CYP2C19: variants seen among roughly 807,000 people sequenced by gnomAD.
CYP2C19 encodes cytochrome P450 2C19.
In CYP2C19, 59 loss-of-function variants were observed where a neutral mutation model predicts 40.9. The observed-to-expected ratio is 1.44, with a 90% CI of 1.17 to 1.79. The LOEUF is 1.79. Ranked by LOEUF, CYP2C19 falls within the 40% of genes most tolerant of loss-of-function variation. The pLI is 0.00. For synonymous variants in CYP2C19, 253 were observed against 208.7 expected, an observed-to-expected ratio of 1.21 and a Z score of -1.83; for missense variants, 754 against 596.9, an observed-to-expected ratio of 1.26 and a Z score of -2.74.
intron 1 of CYP2C19, among the ~76,000 whole-genome samples, chr10:94,771,555 G>GA (rs1475550813): frequency 2.0e-5 from 3 of 151,994 alleles, no homozygotes; most frequent in East Asian, 1.9e-4. Flanking sequence ...CCATAGTGCA[G>GA]AAAAAAATGA....
chr10:94,775,004 G>A, intron 1 of CYP2C19, 54 bp from the exon 2 acceptor site: 1 of 1,582,986 alleles, frequency 6.3e-7, no homozygotes, highest in Non-Finnish European at 8.6e-7. Context: ...GTCAGGCTTA[G>A]TAAATGGACA....
At chr10:94,799,559 G>T (rs1199894868) in intron 5 of CYP2C19, among the ~76,000 whole-genome samples, 4 of 152,130 alleles carry the variant, frequency 2.6e-5, no homozygotes, top group Non-Finnish European at 5.9e-5. Context: ...GCCTTGCTAG[G>T]TTGGGGAAGT....
intron 1 of CYP2C19, among the ~76,000 whole-genome samples, chr10:94,763,611 T>C (rs1468809353): frequency 1.3e-5 from 2 of 152,078 alleles, no homozygotes; most frequent in East Asian, 1.9e-4. Context: ...TTAAGCCTTA[T>C]AAGCATGATG....
At chr10:94,822,312 A>C (rs1849136943) in intron 6 of CYP2C19, among the ~76,000 whole-genome samples, 1 of 152,184 alleles carries the variant, frequency 6.6e-6, no homozygotes, top group Non-Finnish European at 1.5e-5. Flanking sequence ...TCACAAGAAC[A>C]GCATGGGAAC....
chr10:94,766,702 T>C (rs1001794509), intron 1 of CYP2C19, among the ~76,000 whole-genome samples: 9 of 152,026 alleles, frequency 5.9e-5, no homozygotes, highest in Admixed American at 4.6e-4. Flanking sequence ...AAATAAGAGA[T>C]GCAAGTCCTC....
chr10:94,833,244 C>A (rs1042029006), intron 6 of CYP2C19, among the ~76,000 whole-genome samples: 4 of 152,010 alleles, frequency 2.6e-5, no homozygotes, highest in Non-Finnish European at 5.9e-5. Flanking sequence ...TGTGGATAGC[C>A]TTTATATCTT....
At chr10:94,848,114 G>T (rs1431123196) in intron 7 of CYP2C19, among the ~76,000 whole-genome samples, 5 of 152,120 alleles carry the variant, frequency 3.3e-5, no homozygotes, top group Admixed American at 2.6e-4. Flanking sequence ...GGCTTTTGTT[G>T]CCATTGCTTT....
Position 94,840,163 on chromosome 10 carries a change from A to T in CYP2C19, c.962-2674A>T, listed in dbSNP as rs538336053. Among the ~76,000 whole-genome samples, 12 of 152,234 alleles carry T rather than the reference A, an allele frequency of 7.9e-5. No individual in the cohort carries two copies. In the South Asian group the frequency reaches 2.5e-3, roughly 32 times the overall value. The stretch of plus-strand genomic sequence containing the variant: ...TTAATACGCCTTTATTTACACTGAC[A>T]ACAAAGTGGCAATTACCAATTACAG... On this transcript the variant is annotated intron_variant, in intron 6 of 8. Coordinates refer to ENST00000371321, the MANE Select transcript of CYP2C19 (RefSeq NM_000769.4).
intron 6 of CYP2C19, among the ~76,000 whole-genome samples, chr10:94,838,203 C>T (rs1052698065): frequency 1.3e-5 from 2 of 152,140 alleles, no homozygotes; most frequent in African/African-American, 4.8e-5. Context: ...CACCAATCTC[C>T]ATGTTCTGAT....
At chr10:94,796,181 T>C (rs1271436126) in intron 5 of CYP2C19, among the ~76,000 whole-genome samples, 3 of 152,242 alleles carry the variant, frequency 2.0e-5, no homozygotes, top group Middle Eastern at 3.4e-3. Flanking sequence ...TTGTATAAGG[T>C]GTAAGGAAGG....
intron 5 of CYP2C19, among the ~76,000 whole-genome samples, chr10:94,812,096 C>T (rs1340724715): frequency 1.3e-5 from 2 of 152,158 alleles, no homozygotes; most frequent in Non-Finnish European, 2.9e-5. Context: ...TCAGCATTTG[C>T]TTGTCTGTAA....
At chr10:94,842,393 G>GTGT (rs1491451398) in intron 6 of CYP2C19, among the ~76,000 whole-genome samples, 2 of 86,944 alleles carry the variant, frequency 2.3e-5, no homozygotes, top group African/African-American at 9.0e-5. Context: ...TTTAAGTGAA[G>GTGT]TTTTTTTTTT....
intron 7 of CYP2C19, among the ~76,000 whole-genome samples, chr10:94,848,258 G>T (rs1174395430): frequency 6.6e-6 from 1 of 152,112 alleles, no homozygotes; most frequent in Non-Finnish European, 1.5e-5. Flanking sequence ...TTTTGTATAA[G>T]GTGTAAAGAA....
chr10:94,828,453 A>C (rs1248381256), intron 6 of CYP2C19, among the ~76,000 whole-genome samples: 1 of 147,262 alleles, frequency 6.8e-6, no homozygotes, highest in Non-Finnish European at 1.5e-5. Context: ...TTGTTGGTTT[A>C]AAGTCTGTTT....
At position 94,782,098 on chromosome 10, in the gene CYP2C19, A is replaced by G. The variant is rs1848487278; in HGVS notation, c.819+101A>G. On this transcript the variant is annotated intron_variant, in intron 5 of 8. Transcript: ENST00000371321. ...CGGATGTTTAACAGGTCAAGGAGTA[A>G]TGCTTGAGAAGCATATTTAAGTTTT... The G allele has an allele frequency of 1.2e-5, 11 of 908,478 alleles. No homozygotes were observed. The South Asian group carries it at 1.2e-4, about 10-fold the overall frequency. The allele number at this position is 908,478 out of a possible 1,614,324, so 56.3% of individuals were successfully genotyped here.
intron 5 of CYP2C19, among the ~76,000 whole-genome samples, chr10:94,797,745 G>A (rs1187565321): frequency 6.6e-6 from 1 of 151,834 alleles, no homozygotes; most frequent in South Asian, 2.1e-4. Flanking sequence ...AGGAATTTAT[G>A]CATTTCTTCT....
At chr10:94,840,677 C>A (rs1849480602) in intron 6 of CYP2C19, among the ~76,000 whole-genome samples, 1 of 152,208 alleles carries the variant, frequency 6.6e-6, no homozygotes, top group Non-Finnish European at 1.5e-5. Flanking sequence ...GTAGAGACTT[C>A]TGGCTGCGCC....
chr10:94,842,024 G>A (rs1401938634), intron 6 of CYP2C19, among the ~76,000 whole-genome samples: 1 of 152,180 alleles, frequency 6.6e-6, no homozygotes, highest in Non-Finnish European at 1.5e-5. Flanking sequence ...CTATAGTGCA[G>A]ATGAAGTTCA....
chr10:94,836,011 G>C (rs573928533), intron 6 of CYP2C19, among the ~76,000 whole-genome samples: 1 of 152,290 alleles, frequency 6.6e-6, no homozygotes, highest in African/African-American at 2.4e-5. Flanking sequence ...AGTGGTGTAG[G>C]TTTGAGCAAT....
Sources: gnomAD v4.1 joint callset for allele counts (sites outside exome capture counted in the v4.1 genomes callset) on GRCh38, gnomAD v4.1.1 for gene constraint, MANE v1.5 for transcripts, NCBI Gene and HGNC (gene_info 2026-07-23, HGNC 2026-07-21) for gene names.